FUT8: variants seen among roughly 807,000 people sequenced by gnomAD.
The protein encoded by FUT8 is alpha-(1,6)-fucosyltransferase.
In FUT8, 29 loss-of-function variants were observed where a neutral mutation model predicts 71.3. That is an observed-to-expected ratio of 0.41 (90% confidence interval 0.30 to 0.55). FUT8 has a LOEUF of 0.55. Ranked by LOEUF, FUT8 falls within the 20% of genes least tolerant of loss-of-function variation. FUT8 has a pLI of 0.34. For missense variants in FUT8, 544 were observed against 702.1 expected, an observed-to-expected ratio of 0.77 and a Z score of 2.55; for synonymous variants, 254 against 239.3, an observed-to-expected ratio of 1.06 and a Z score of -0.57.
At chr14:65,590,226 AT>A (rs1887618333) in intron 3 of FUT8, among the ~76,000 whole-genome samples, 1 of 152,162 alleles carries the variant, frequency 6.6e-6, no homozygotes, top group South Asian at 2.1e-4. Context: ...ATGGCAGAAA[AT>A]TGAGTATTTT....
rs571519370 is a variant in FUT8, at chr14:65,674,999, T to A, written c.835+5519T>A. On this transcript the variant is annotated intron_variant, in intron 7 of 10. Transcript: ENST00000673929. ...TATAAAACTTTTTTGTTTTACTACT[T>A]ATGGGCCACAAAAGAAAGAAAGATC... Among the ~76,000 whole-genome samples the A allele has an allele frequency of 9.2e-5, 14 of 152,344 alleles. No individual in the cohort carries two copies. In the East Asian group the frequency reaches 2.3e-3, roughly 25 times the overall value.
rs150480291 is a variant in FUT8, at chr14:65,661,460, T to C, written c.598-7783T>C. On this transcript the variant is annotated intron_variant, in intron 6 of 10. Coordinates refer to ENST00000673929, the MANE Select transcript of FUT8 (RefSeq NM_001371533.1). ...TGTTTGCAAAAGGCAGCTGGAGATA[T>C]TATGTCCAGTTTATATTTACTAAAT... is the stretch of plus-strand genomic sequence containing the variant. Among the ~76,000 whole-genome samples, 494 of 152,324 alleles carry C rather than the reference T, an allele frequency of 3.2e-3. 3 individuals are homozygous for C. The East Asian group carries it at 0.035, about 11-fold the overall frequency.
At chr14:65,701,843 C>A (rs1416175373) in intron 7 of FUT8, among the ~76,000 whole-genome samples, 4 of 152,132 alleles carry the variant, frequency 2.6e-5, no homozygotes, top group Admixed American at 2.6e-4. Context: ...CTCCTTTTAT[C>A]ATGCTATTTA....
chr14:65,708,271 G>A (rs1482361289), intron 7 of FUT8, among the ~76,000 whole-genome samples: 1 of 152,186 alleles, frequency 6.6e-6, no homozygotes, highest in African/African-American at 2.4e-5. Flanking sequence ...GCTACCTTGT[G>A]TAGAAGGTGC....
At chr14:65,361,062 A>G in the FUT8 span, among the ~76,000 whole-genome samples, 93 of 152,316 alleles carry the variant, frequency 6.1e-4, no homozygotes, top group African/African-American at 2.1e-3. Context: ...TTTAAACTGT[A>G]AAGAGCTCTA....
Position 65,627,199 on chromosome 14 carries a change from A to G in FUT8, c.483-2293A>G, listed in dbSNP as rs1889940217. 6.6e-6 allele frequency among the ~76,000 whole-genome samples: 1 copy of G among 152,186 alleles called. No individual in the cohort carries two copies. The highest frequency in any genetic ancestry group is 2.4e-5 in the African/African-American group (1 of 41,450). On this transcript the variant is annotated intron_variant, in intron 5 of 10. Coordinates refer to ENST00000673929, the MANE Select transcript of FUT8 (RefSeq NM_001371533.1). This position sits in a 1 kb window ranked among gnomAD's most constrained non-coding sequence, Gnocchi z 4.0. ...AATTCTAGTAGGGCAGAAAGATAAG[A>G]AGTAAGTAATATTGTATATTGGAAA...
At chr14:65,485,182 AT>A (rs111375462) in intron 2 of FUT8, among the ~76,000 whole-genome samples, 10,259 of 151,942 alleles carry the variant, frequency 0.068, 433 homozygotes, top group Admixed American at 0.11. Context: ...ATTAAAAAAA[AT>A]AATAATAATT....
intron 8 of FUT8, among the ~76,000 whole-genome samples, chr14:65,723,911 T>C (rs1057132994): frequency 6.6e-6 from 1 of 152,234 alleles, no homozygotes; most frequent in African/African-American, 2.4e-5. Context: ...AAATCATTCT[T>C]CAAAGGCTTT....
chr14:65,406,449 G>A (rs148068797), upstream of FUT8, among the ~76,000 whole-genome samples: 1 of 152,336 alleles, frequency 6.6e-6, no homozygotes, highest in African/African-American at 2.4e-5. Context: ...CAACCGCAAG[G>A]AGACAGGAAG....
At position 65,650,850 on chromosome 14, in the gene FUT8, A is replaced by AG. The variant is rs554613464; in HGVS notation, c.598-18387dup. Among the ~76,000 whole-genome samples, 17 of 152,202 alleles carry AG rather than the reference A, an allele frequency of 1.1e-4. No homozygotes were observed. In the South Asian group the frequency reaches 3.1e-3, roughly 28 times the overall value. ...CAGCTAGAAACCTTAGTGGACAGAGAGGGGGGAAAAAAAAGCCCCATTTTA... is the reference window on the plus strand; with the variant it reads ...CAGCTAGAAACCTTAGTGGACAGAGAGGGGGGGAAAAAAAAGCCCCATTTTA... On this transcript the variant is annotated intron_variant, in intron 6 of 10. Coordinates refer to ENST00000673929, the MANE Select transcript of FUT8 (RefSeq NM_001371533.1).
chr14:65,629,829 TACACACACAC>T (rs3079115), intron 6 of FUT8, among the ~76,000 whole-genome samples: 1 of 147,996 alleles, frequency 6.8e-6, no homozygotes, highest in Non-Finnish European at 1.5e-5. Flanking sequence ...CTTACACACG[TACACACACAC>T]ACACACACAC....
chr14:65,356,866 A>G, the FUT8 span, among the ~76,000 whole-genome samples: 1 of 152,216 alleles, frequency 6.6e-6, no homozygotes, highest in Non-Finnish European at 1.5e-5. This position sits in a 1 kb window ranked among gnomAD's most constrained non-coding sequence, Gnocchi z 4.6. Flanking sequence ...GTACTGGAAC[A>G]CCGGCTCACA....
Position 65,413,379 on chromosome 14 carries a change from C to T in FUT8, c.-326+165C>T, listed in dbSNP as rs1267295755. Among the ~76,000 whole-genome samples, 2 of 152,138 alleles carry T rather than the reference C, an allele frequency of 1.3e-5. No homozygotes were observed. The highest frequency in any genetic ancestry group is 2.9e-5 in the Non-Finnish European group (2 of 68,008). ...GGCTCTCGGAAAAGTGGGGAGGGAG[C>T]CCCCGGGACGCTCTGGCGGATGCCT... On this transcript the variant is annotated intron_variant, in intron 1 of 10. Transcript: ENST00000673929. The surrounding 1 kb of genome is among the most constrained non-coding windows in gnomAD (Gnocchi z 4.1).
chr14:65,358,676 C>T, the FUT8 span, among the ~76,000 whole-genome samples: 1 of 152,162 alleles, frequency 6.6e-6, no homozygotes, highest in South Asian at 2.1e-4. Context: ...TCTTGAACTT[C>T]TGTGCTCAAG....
At chr14:65,565,713 T>C (rs1886158508) in intron 3 of FUT8, among the ~76,000 whole-genome samples, 1 of 151,930 alleles carries the variant, frequency 6.6e-6, no homozygotes, top group African/African-American at 2.4e-5. Flanking sequence ...GTAACAGATA[T>C]ATAATACTAT....
chr14:65,742,008 G>A (rs1016765339), intron 10 of FUT8, 85 bp from the exon 11 acceptor site: 8 of 1,081,702 alleles, frequency 7.4e-6, no homozygotes, highest in South Asian at 1.5e-5. Context: ...TACTCCTAGA[G>A]CCCATCCTTT....
intron 7 of FUT8, among the ~76,000 whole-genome samples, chr14:65,694,005 GT>G (rs1185140397): frequency 6.6e-6 from 1 of 151,496 alleles, no homozygotes; most frequent in African/African-American, 2.4e-5. Context: ...CTTTATTATC[GT>G]TTTAACGTCC....
At chr14:65,546,401 G>A (rs1405219470) in intron 2 of FUT8, among the ~76,000 whole-genome samples, 1 of 151,436 alleles carries the variant, frequency 6.6e-6, no homozygotes, top group Non-Finnish European at 1.5e-5. Flanking sequence ...ATATTTATTG[G>A]CCGAAAATAG....
At chr14:65,642,000 TAAC>T (rs761417371) in intron 6 of FUT8, among the ~76,000 whole-genome samples, 26 of 152,290 alleles carry the variant, frequency 1.7e-4, no homozygotes, top group Non-Finnish European at 2.4e-4. Context: ...CTAATTTTCT[TAAC>T]AGTGTCTTTT....
Sources: gnomAD v4.1 joint callset for allele counts (sites outside exome capture counted in the v4.1 genomes callset) on GRCh38, gnomAD v4.1.1 for gene constraint, Gnocchi (gnomAD v3.1) non-coding constraint, MANE v1.5 for transcripts, NCBI Gene and HGNC (gene_info 2026-07-23, HGNC 2026-07-21) for gene names.